PRR14L: variants seen among roughly 807,000 people sequenced by gnomAD.
PRR14L encodes the protein proline rich 14 like.
A neutral mutation model predicts 155.0 loss-of-function variants in PRR14L; 80 were observed. The observed-to-expected ratio is 0.52, with a 90% CI of 0.43 to 0.62. The LOEUF is 0.62. Ranked by LOEUF, PRR14L falls within the 20% of genes least tolerant of loss-of-function variation. The probability of loss-of-function intolerance (pLI) is 0.00; values close to 1 mark genes in which losing one functional copy is unlikely to be tolerated. For missense variants in PRR14L, 2,469 were observed against 2,548.0 expected (o/e 0.97, Z 0.67); for synonymous variants, 883 against 916.0 (o/e 0.96, Z 0.65).
intron 7 of PRR14L, among the ~76,000 whole-genome samples, chr22:31,700,433 TAAGATA>T (rs1269807152): frequency 6.6e-6 from 1 of 152,224 alleles, no homozygotes; most frequent in Non-Finnish European, 1.5e-5. Context: ...TACAACGTAT[TAAGATA>T]AAGATTATGG....
chr22:31,726,177 G>C (rs1428982764), intron 2 of PRR14L, among the ~76,000 whole-genome samples: 1 of 151,684 alleles, frequency 6.6e-6, no homozygotes, highest in Non-Finnish European at 1.5e-5. Flanking sequence ...AGGTTGCAGT[G>C]AGCCAAGACT....
At chr22:31,745,769 C>A (rs2074834042) in intron 1 of PRR14L, among the ~76,000 whole-genome samples, 3 of 151,158 alleles carry the variant, frequency 2.0e-5, no homozygotes, top group African/African-American at 7.3e-5. Context: ...ATCGCTTGAA[C>A]CTGGGAGGCA....
intron 4 of PRR14L, among the ~76,000 whole-genome samples, chr22:31,711,319 A>G (rs183923480): frequency 3.4e-4 from 51 of 152,114 alleles, no homozygotes; most frequent in Non-Finnish European, 4.4e-4. Flanking sequence ...AAAAATACAA[A>G]AATTAGCCAG....
At chr22:31,736,565 T>G (rs988918219) in intron 2 of PRR14L, among the ~76,000 whole-genome samples, 1 of 152,164 alleles carries the variant, frequency 6.6e-6, no homozygotes, top group Non-Finnish European at 1.5e-5. Flanking sequence ...GAGCCTAGCC[T>G]AGGCAGCCCA....
intron 1 of PRR14L, among the ~76,000 whole-genome samples, chr22:31,744,108 CCTT>C: frequency 6.7e-6 from 1 of 149,468 alleles, no homozygotes; most frequent in African/African-American, 2.5e-5. Context: ...ACCTTGAACT[CCTT>C]CTGCCTCAGC....
chr22:31,688,549 T>G (rs960327512), intron 7 of PRR14L, among the ~76,000 whole-genome samples: 1 of 152,200 alleles, frequency 6.6e-6, no homozygotes, highest in Non-Finnish European at 1.5e-5. Flanking sequence ...GTTTTAGATG[T>G]GTCTCATGCA....
intron 1 of PRR14L, among the ~76,000 whole-genome samples, chr22:31,743,364 T>C (rs2074822516): frequency 6.6e-6 from 1 of 152,116 alleles, no homozygotes; most frequent in Admixed American, 6.6e-5. Flanking sequence ...AGAGTTTCTT[T>C]CTTGAGTAAT....
At chr22:31,737,105 T>C (rs1001393719) in intron 2 of PRR14L, among the ~76,000 whole-genome samples, 1 of 146,420 alleles carries the variant, frequency 6.8e-6, no homozygotes, top group African/African-American at 2.5e-5. Context: ...ACGTGGCCCC[T>C]GATAGAAAAA....
At chr22:31,691,944 T>G (rs2074513889) in intron 7 of PRR14L, among the ~76,000 whole-genome samples, 1 of 152,004 alleles carries the variant, frequency 6.6e-6, no homozygotes, top group Non-Finnish European at 1.5e-5. Flanking sequence ...CTTAGCTCAC[T>G]GCAACCTCCA....
chr22:31,726,351 G>A (rs2074716791), intron 2 of PRR14L, among the ~76,000 whole-genome samples: 1 of 151,770 alleles, frequency 6.6e-6, no homozygotes, highest in Non-Finnish European at 1.5e-5. Context: ...GGCTGGTCTT[G>A]AACTCCTGAC....
intron 3 of PRR14L, among the ~76,000 whole-genome samples, chr22:31,720,898 G>A (rs1246314636): frequency 6.6e-6 from 1 of 152,092 alleles, no homozygotes; most frequent in Non-Finnish European, 1.5e-5. Context: ...AATCACTACT[G>A]TGGGAATTAA....
chr22:31,747,887 TAC>T (rs1405835884), intron 1 of PRR14L, among the ~76,000 whole-genome samples: 2 of 149,500 alleles, frequency 1.3e-5, no homozygotes, highest in Non-Finnish European at 3.0e-5. Context: ...CTCATCAGAA[TAC>T]ATTTTATAAC....
At chr22:31,688,398 G>A (rs1339283077) in intron 7 of PRR14L, among the ~76,000 whole-genome samples, 171 bp from the exon 8 acceptor site, 1 of 151,324 alleles carries the variant, frequency 6.6e-6, no homozygotes, top group African/African-American at 2.4e-5. Context: ...GGGATTACAG[G>A]TGTGTGCCAC....
In PRR14L at chr22:31,716,565, C is replaced by A. The variant is rs188796287; in HGVS notation, c.1274G>T (p.Ser425Ile). The A allele has an allele frequency of 6.5e-7, 1 of 1,548,644 alleles. No individual in the cohort carries two copies. Among genetic ancestry groups the A allele is most frequent in the Admixed American group, 2.0e-5 (1 of 50,178 alleles). ...CTCTTTTTCACCAGAACAACGACCACTAATCTCCTTTTCTGGTTCCCTGGC... is the reference window on the plus strand; with the variant it reads ...CTCTTTTTCACCAGAACAACGACCAATAATCTCCTTTTCTGGTTCCCTGGC... ...FNAREPEKEI[S>I]GRCSGEKEPV... The change falls in exon 4 of 9, where the codon AGT becomes ATT. Residue 425 changes from serine (S) to isoleucine (I), a missense_variant. Physicochemically the swap from Ser to Ile is moderately radical, Grantham distance 142. This residue lies in a region of PRR14L where 2,363 missense variants were observed against 2,371.6 expected (regional missense o/e 1.00). Transcript: ENST00000327423.
intron 3 of PRR14L, among the ~76,000 whole-genome samples, chr22:31,719,375 G>A (rs1244322819): frequency 6.6e-6 from 1 of 150,600 alleles, no homozygotes; most frequent in East Asian, 2.0e-4. Flanking sequence ...TTGCACTACT[G>A]CACTCCAGCC....
At position 31,716,801 on chromosome 22, in the gene PRR14L, T is replaced by C; in HGVS notation, c.1038A>G (p.Thr346=). 5.2e-6 allele frequency: 8 copies of C among 1,551,884 alleles called. No individual in the cohort carries two copies. Among genetic ancestry groups the C allele is most frequent in the Non-Finnish European group, 7.0e-6 (8 of 1,147,036 alleles). ...TGGATTCTGGACCAGACAAGTCTGA[T>C]GTGAAACATGAAACTTCAGAATTTT... ...LKENSEVSCF[T]SDLSGPESRT... Residue 346 remains threonine, a synonymous_variant, in exon 4 of 9, where the codon ACA becomes ACG. Coordinates refer to ENST00000327423, the MANE Select transcript of PRR14L (RefSeq NM_173566.3).
chr22:31,737,108 T>C (rs2074786075), intron 2 of PRR14L, among the ~76,000 whole-genome samples: 1 of 145,402 alleles, frequency 6.9e-6, no homozygotes, highest in Admixed American at 6.9e-5. Flanking sequence ...TGGCCCCTGA[T>C]AGAAAAAATT....
chr22:31,737,156 A>T (rs1246250882), intron 2 of PRR14L, among the ~76,000 whole-genome samples: 1 of 151,900 alleles, frequency 6.6e-6, no homozygotes, highest in Non-Finnish European at 1.5e-5. Flanking sequence ...CTGTGGAGAG[A>T]GTCCGCTGGA....
chr22:31,718,363 C>G (rs544204869), intron 3 of PRR14L, among the ~76,000 whole-genome samples: 81 of 152,186 alleles, frequency 5.3e-4, no homozygotes, highest in South Asian at 1.9e-3. Context: ...TCATGCCATT[C>G]TCCTGCCTCA....
Sources: allele counts gnomAD v4.1 joint callset (sites outside exome capture counted in the v4.1 genomes callset), GRCh38; gene constraint gnomAD v4.1.1; regional missense constraint gnomAD v4.1.1; transcripts MANE v1.5; gene names NCBI Gene and HGNC (gene_info 2026-07-23, HGNC 2026-07-21).